SLC25A21: variants seen among roughly 807,000 people sequenced by gnomAD.
SLC25A21 encodes the protein solute carrier family 25 member 21.
In SLC25A21, 47 loss-of-function variants were observed where a neutral mutation model predicts 43.8. The ratio of observed to expected loss-of-function variants is 1.07; its 90% confidence interval spans 0.85 to 1.37. The LOEUF is 1.37. Among genes scored for constraint, SLC25A21 ranks in the 40% most tolerant of loss-of-function variants. The pLI, the probability that SLC25A21 is intolerant of heterozygous loss-of-function variation, is 0.00. For missense variants in SLC25A21, 352 were observed against 350.2 expected (o/e 1.00, Z -0.04); for synonymous variants, 131 against 121.3 (o/e 1.08, Z -0.52).
At chr14:36,684,955 A>T in intron 7 of SLC25A21, 30 bp from the exon 8 acceptor site, 1 of 1,583,442 alleles carries the variant, frequency 6.3e-7, no homozygotes. Context: ...ATATAACAGA[A>T]AGGGGAGCGG....
intron 1 of SLC25A21, among the ~76,000 whole-genome samples, chr14:37,130,006 C>T (rs964508868): frequency 7.0e-6 from 1 of 142,450 alleles, no homozygotes; most frequent in African/African-American, 2.6e-5. Context: ...AATCCCAGCA[C>T]TTTGGGAGGC....
At chr14:37,007,495 C>T (rs1019768864) in intron 1 of SLC25A21, among the ~76,000 whole-genome samples, 1 of 151,174 alleles carries the variant, frequency 6.6e-6, no homozygotes, top group African/African-American at 2.4e-5. Flanking sequence ...CCTAGCTACT[C>T]GGGAGGCTGA....
intron 2 of SLC25A21, among the ~76,000 whole-genome samples, chr14:36,825,450 T>C (rs1023038018): frequency 2.0e-5 from 3 of 152,198 alleles, no homozygotes; most frequent in Admixed American, 1.3e-4. Context: ...TAATCCGACC[T>C]AGTAGCAGGC....
chr14:37,092,407 G>C (rs1393265022), intron 1 of SLC25A21, among the ~76,000 whole-genome samples: 1 of 152,224 alleles, frequency 6.6e-6, no homozygotes, highest in African/African-American at 2.4e-5. Flanking sequence ...GTAGTGGACA[G>C]TAGTTGTTGC....
intron 7 of SLC25A21, among the ~76,000 whole-genome samples, chr14:36,693,126 A>T (rs117429654): frequency 6.6e-6 from 1 of 152,320 alleles, no homozygotes; most frequent in East Asian, 1.9e-4. Flanking sequence ...ACTGCAGAAG[A>T]TTTATTGTAG....
At chr14:37,061,586 G>A (rs1307351586) in intron 1 of SLC25A21, among the ~76,000 whole-genome samples, 1 of 151,794 alleles carries the variant, frequency 6.6e-6, no homozygotes, top group East Asian at 1.9e-4. Flanking sequence ...AGAACAATGA[G>A]GAACAAAATA....
chr14:36,893,204 G>A (rs866446198), intron 1 of SLC25A21, among the ~76,000 whole-genome samples: 58 of 152,236 alleles, frequency 3.8e-4, no homozygotes, highest in Middle Eastern at 3.4e-3. Flanking sequence ...ATCCTCTCCA[G>A]CACCTGTTGT....
chr14:37,019,858 A>T (rs190935545), intron 1 of SLC25A21, among the ~76,000 whole-genome samples: 35 of 151,862 alleles, frequency 2.3e-4, no homozygotes, highest in South Asian at 4.2e-4. Flanking sequence ...AAGTTTTTTT[A>T]AAAAAAGAGT....
chr14:37,163,887 A>G (rs975363057), intron 1 of SLC25A21, among the ~76,000 whole-genome samples: 1 of 152,150 alleles, frequency 6.6e-6, no homozygotes, highest in African/African-American at 2.4e-5. Context: ...TAGGAACCTA[A>G]GAATATTCTA....
intron 1 of SLC25A21, among the ~76,000 whole-genome samples, chr14:37,076,708 T>A (rs2138832779): frequency 6.6e-6 from 1 of 152,176 alleles, no homozygotes; most frequent in Non-Finnish European, 1.5e-5. Flanking sequence ...GGCCTCGAAC[T>A]CCTGACCTCA....
At chr14:36,725,493 A>C (rs1884560417) in intron 6 of SLC25A21, 77 bp downstream of exon 6, 9 of 415,530 alleles carry the variant, frequency 2.2e-5, no homozygotes, top group Non-Finnish European at 3.4e-5. Flanking sequence ...ATAAATAAAT[A>C]AATAAATAAA....
At chr14:37,091,490 A>G (rs1962585531) in intron 1 of SLC25A21, among the ~76,000 whole-genome samples, 1 of 152,090 alleles carries the variant, frequency 6.6e-6, no homozygotes, top group Admixed American at 6.6e-5. Context: ...GGGCCATTTT[A>G]AACAGTAAAA....
chr14:36,807,150 T>A (rs547803083), intron 3 of SLC25A21: 2 of 152,258 alleles, frequency 1.3e-5, no homozygotes, highest in East Asian at 3.9e-4. Flanking sequence ...ACAAAATGAA[T>A]CTGCATGGCA....
intron 2 of SLC25A21, among the ~76,000 whole-genome samples, chr14:36,866,734 C>T (rs1256810414): frequency 6.6e-6 from 1 of 152,108 alleles, no homozygotes; most frequent in Admixed American, 6.6e-5. Flanking sequence ...GACCTCTAGC[C>T]CCATGTGGCT....
intron 3 of SLC25A21, among the ~76,000 whole-genome samples, chr14:36,768,540 C>T (rs1282768998): frequency 1.3e-5 from 2 of 152,138 alleles, no homozygotes; most frequent in Non-Finnish European, 2.9e-5. Flanking sequence ...TGCAGCATCC[C>T]TACTATATAT....
In SLC25A21 at chr14:36,854,940, G is replaced by A. The variant is rs186823273; in HGVS notation, c.119+20016C>T. ...CTTTTCTGGGGCATGAGGTGGGGGG[G>A]GGTATTCTGCCATCCTTGGAATTGG... is the stretch of plus-strand genomic sequence containing the variant. On this transcript the variant is annotated intron_variant, in intron 2 of 9. Coordinates refer to ENST00000331299, the MANE Select transcript of SLC25A21 (RefSeq NM_030631.4). 3.3e-4 allele frequency among the ~76,000 whole-genome samples: 50 copies of A among 150,632 alleles called. 1 individual carries two copies. The highest frequency in any genetic ancestry group is 1.2e-3 in the African/African-American group (48 of 40,956).
chr14:36,999,691 C>A (rs1338599048), intron 1 of SLC25A21, among the ~76,000 whole-genome samples: 2 of 151,194 alleles, frequency 1.3e-5, no homozygotes, highest in Non-Finnish European at 3.0e-5. Flanking sequence ...AAAGTAAAGT[C>A]TTTTTTTTTA....
At chr14:36,977,452 C>G (rs1348441850) in intron 1 of SLC25A21, among the ~76,000 whole-genome samples, 1 of 152,104 alleles carries the variant, frequency 6.6e-6, no homozygotes. Flanking sequence ...CATAAAACCA[C>G]CAGAAATAAT....
chr14:37,075,882 C>A (rs1962270121), intron 1 of SLC25A21, among the ~76,000 whole-genome samples: 1 of 152,228 alleles, frequency 6.6e-6, no homozygotes, highest in Non-Finnish European at 1.5e-5. Context: ...GGCTTACGCC[C>A]TGAAAATATC....
Sources: allele counts gnomAD v4.1 joint callset (sites outside exome capture counted in the v4.1 genomes callset), GRCh38; gene constraint gnomAD v4.1.1; transcripts MANE v1.5; gene names NCBI Gene and HGNC (gene_info 2026-07-23, HGNC 2026-07-21).